CDH11: variants seen among roughly 807,000 people sequenced by gnomAD.
CDH11 encodes the protein cadherin 11, also known as cadherin-11.
CDH11 carries 11 observed loss-of-function variants against 67.8 expected under a neutral mutation model. The ratio of observed to expected loss-of-function variants is 0.16; its 90% confidence interval spans 0.10 to 0.27. The LOEUF is 0.27. Among genes scored for constraint, CDH11 ranks in the 10% least tolerant of loss-of-function variants. The probability of loss-of-function intolerance (pLI) is 1.00; values close to 1 mark genes in which losing one functional copy is unlikely to be tolerated. For missense variants in CDH11, 847 were observed against 1,031.2 expected (o/e 0.82, Z 2.45); for synonymous variants, 419 against 400.0 (o/e 1.05, Z -0.57).
intron 1 of CDH11, among the ~76,000 whole-genome samples, chr16:65,079,593 A>G (rs2074575829): frequency 6.6e-6 from 1 of 152,206 alleles, no homozygotes; most frequent in African/African-American, 2.4e-5. Context: ...ACTCTTCAGC[A>G]TGGCCTGAGA....
chr16:65,004,632 G>C lies in CDH11; in HGVS notation c.228+10C>G, dbSNP rs763391760. On this transcript the variant is annotated intron_variant, in intron 3 of 12. Transcript: ENST00000268603. ...TTGGAAAGCTCAGGATTGAGGGAAG[G>C]CAGCCTTACCCTGCCCACAAGCACG... The C allele has an allele frequency of 1.9e-6, 3 of 1,608,040 alleles. No homozygotes were observed. The highest frequency in any genetic ancestry group is 1.3e-5 in the African/African-American group (1 of 74,760).
intron 11 of CDH11, among the ~76,000 whole-genome samples, chr16:64,969,515 G>T (rs1292499917): frequency 6.6e-6 from 1 of 152,116 alleles, no homozygotes; most frequent in Non-Finnish European, 1.5e-5. Context: ...CTGGGCAACC[G>T]AATCAATCTC....
intron 12 of CDH11, chr16:64,948,565 G>A (rs2071257317): frequency 3.4e-6 from 5 of 1,453,948 alleles, no homozygotes; most frequent in Non-Finnish European, 4.8e-6. Flanking sequence ...GCCAATGTCT[G>A]AGAAAGAGTA....
At chr16:65,110,557 G>A (rs1319471332) in intron 1 of CDH11, among the ~76,000 whole-genome samples, 1 of 151,624 alleles carries the variant, frequency 6.6e-6, no homozygotes, top group African/African-American at 2.4e-5. Context: ...CACCTCTGTG[G>A]CCCCTGGAAA....
At chr16:65,099,818 G>C (rs1325274064) in intron 1 of CDH11, among the ~76,000 whole-genome samples, 2 of 152,092 alleles carry the variant, frequency 1.3e-5, no homozygotes, top group African/African-American at 4.8e-5. Context: ...CCTCCAAGCA[G>C]GGGTAATATG....
At chr16:64,975,057 C>T (rs557121437) in intron 8 of CDH11, among the ~76,000 whole-genome samples, 1 of 152,282 alleles carries the variant, frequency 6.6e-6, no homozygotes, top group African/African-American at 2.4e-5. Flanking sequence ...CTCAAGTCAT[C>T]CTTCTGCCTC....
intron 9 of CDH11, 31 bp downstream of exon 9, chr16:64,972,873 G>A (rs755909209): frequency 6.2e-7 from 1 of 1,610,396 alleles, no homozygotes. Context: ...ACTTGGTAAA[G>A]TAGAATCAAA....
intron 4 of CDH11, 48 bp downstream of exon 4, chr16:64,998,514 A>G: frequency 6.3e-7 from 1 of 1,576,350 alleles, no homozygotes. Flanking sequence ...CACCCACCAC[A>G]GAGACACCAG....
At chr16:65,012,646 T>C (rs2073206540) in intron 2 of CDH11, among the ~76,000 whole-genome samples, 1 of 152,222 alleles carries the variant, frequency 6.6e-6, no homozygotes, top group South Asian at 2.1e-4. Flanking sequence ...TCTCAGCAGC[T>C]GTCTTCATGG....
At chr16:65,065,768 A>T (rs1463251434) in intron 1 of CDH11, among the ~76,000 whole-genome samples, 2 of 152,248 alleles carry the variant, frequency 1.3e-5, no homozygotes, top group African/African-American at 2.4e-5. Context: ...TCTTTCACAC[A>T]GCTGCTACAG....
At chr16:65,010,729 T>A (rs538422265) in intron 2 of CDH11, among the ~76,000 whole-genome samples, 1 of 151,598 alleles carries the variant, frequency 6.6e-6, no homozygotes, top group African/African-American at 2.4e-5. Flanking sequence ...TCTGGAGAAA[T>A]AGAGAATGAC....
intron 2 of CDH11, among the ~76,000 whole-genome samples, chr16:65,033,883 G>A (rs531935482): frequency 6.6e-6 from 1 of 152,096 alleles, no homozygotes; most frequent in Non-Finnish European, 1.5e-5. Context: ...TCCAGGTGGC[G>A]GCATGGTATG....
At chr16:64,962,266 T>C (rs182356730) in intron 11 of CDH11, among the ~76,000 whole-genome samples, 1 of 152,142 alleles carries the variant, frequency 6.6e-6, no homozygotes, top group African/African-American at 2.4e-5. Context: ...TCCAGTCTGA[T>C]ACATAAGAAG....
At chr16:64,985,826 A>C (rs1003106353) in intron 7 of CDH11, 1 of 150,202 alleles carries the variant, frequency 6.7e-6, no homozygotes, top group African/African-American at 2.5e-5. Context: ...TACAACAAAG[A>C]ATTATCCAGC....
At chr16:65,068,328 T>C (rs2074354810) in intron 1 of CDH11, among the ~76,000 whole-genome samples, 2 of 148,616 alleles carry the variant, frequency 1.3e-5, no homozygotes, top group Non-Finnish European at 3.0e-5. Context: ...GGAGGCAGTG[T>C]CTTAAACAAA....
At chr16:65,122,151 G>GGGGGTTGT, upstream of CDH11, 1 of 476,946 alleles carries the variant, frequency 2.1e-6, no homozygotes, top group Non-Finnish European at 3.7e-6. Flanking sequence ...GGGGCGGGAG[G>GGGGGTTGT]AGGGAGGCTG....
At chr16:65,046,226 A>G (rs1196664844) in intron 2 of CDH11, among the ~76,000 whole-genome samples, 2 of 152,234 alleles carry the variant, frequency 1.3e-5, no homozygotes, top group Non-Finnish European at 2.9e-5. Flanking sequence ...AATGCTGTCT[A>G]TATGGCTGGT....
intron 2 of CDH11, among the ~76,000 whole-genome samples, chr16:65,017,241 A>G (rs1597097091): frequency 6.6e-6 from 1 of 152,046 alleles, no homozygotes; most frequent in African/African-American, 2.4e-5. Context: ...TTCTCATTTT[A>G]CCTAGCCCCT....
chr16:64,998,557 C>T lies in CDH11; in HGVS notation c.523+5G>A, dbSNP rs903749210. On this transcript the variant is annotated splice_donor_5th_base_variant and intron_variant, in intron 4 of 12. Coordinates refer to ENST00000268603, the MANE Select transcript of CDH11 (RefSeq NM_001797.4). ...AGCAGAGCAGGCCTCCCACACCGTA[C>T]GCACCCACATTGGACCTCTCAGGCA... 3 of 1,613,564 alleles carry T rather than the reference C, an allele frequency of 1.9e-6. No homozygotes were observed. The highest frequency in any genetic ancestry group is 2.5e-6 in the Non-Finnish European group (3 of 1,179,718).
Sources: gnomAD v4.1 joint callset for allele counts (sites outside exome capture counted in the v4.1 genomes callset) on GRCh38, gnomAD v4.1.1 for gene constraint, MANE v1.5 for transcripts, NCBI Gene and HGNC (gene_info 2026-07-23, HGNC 2026-07-21) for gene names.